NTM: variants seen among roughly 807,000 people sequenced by gnomAD.
The protein encoded by NTM is neurotrimin, also known as IgLON family member 2.
Under a neutral mutation model 42.1 loss-of-function variants are expected in NTM, and 13 were observed. That is an observed-to-expected ratio of 0.31 (90% CI 0.20 to 0.49). NTM has a LOEUF of 0.49. Ranked by LOEUF, NTM falls within the 20% of genes least tolerant of loss-of-function variation. The pLI is 0.99. For missense variants in NTM, 373 were observed against 452.8 expected (o/e 0.82, Z 1.60); for synonymous variants, 187 against 179.2 (o/e 1.04, Z -0.35).
intron 1 of NTM, among the ~76,000 whole-genome samples, chr11:131,461,508 GAA>G (rs1951376415): frequency 2.0e-5 from 3 of 152,184 alleles, no homozygotes; most frequent in Admixed American, 6.5e-5. Flanking sequence ...TGAACTCAGA[GAA>G]AAGAGATTAG....
chr11:131,798,117 C>T (rs1029961486), intron 1 of NTM, among the ~76,000 whole-genome samples: 9 of 152,040 alleles, frequency 5.9e-5, no homozygotes, highest in African/African-American at 2.2e-4. Context: ...TGATACAAGA[C>T]CTAAACAAGA....
chr11:131,560,106 G>A (rs375705619), intron 1 of NTM, among the ~76,000 whole-genome samples: 46 of 152,316 alleles, frequency 3.0e-4, no homozygotes, highest in Middle Eastern at 3.4e-3. Context: ...GCTGCCCCAC[G>A]TGTCTTCAGG....
chr11:132,071,496 G>A (rs1054111218), intron 2 of NTM, among the ~76,000 whole-genome samples: 2 of 152,244 alleles, frequency 1.3e-5, no homozygotes, highest in African/African-American at 4.8e-5. Context: ...TGTGATAGTA[G>A]AATGTTCCCT....
At chr11:131,454,381 T>C (rs554979955) in intron 1 of NTM, among the ~76,000 whole-genome samples, 2 of 152,326 alleles carry the variant, frequency 1.3e-5, no homozygotes, top group South Asian at 4.1e-4. Context: ...GGGGGACTAC[T>C]GTATTCCCTT....
intron 4 of NTM, among the ~76,000 whole-genome samples, chr11:132,294,127 C>T (rs747109416): frequency 2.5e-4 from 38 of 152,146 alleles, no homozygotes; most frequent in Non-Finnish European, 4.7e-4. Context: ...ACTATGACTT[C>T]GAGCTTTAAT....
chr11:132,155,848 G>T (rs2073071620), intron 3 of NTM, among the ~76,000 whole-genome samples: 1 of 152,204 alleles, frequency 6.6e-6, no homozygotes, highest in African/African-American at 2.4e-5. Context: ...AAAGATGGAT[G>T]AGATGGGTCC....
chr11:131,420,539 G>C (rs1225297215), intron 1 of NTM, among the ~76,000 whole-genome samples: 2 of 152,170 alleles, frequency 1.3e-5, no homozygotes, highest in Non-Finnish European at 2.9e-5. Flanking sequence ...AACATAGACA[G>C]CAATGCTGAG....
At chr11:131,459,934 T>C (rs1483072488) in intron 1 of NTM, among the ~76,000 whole-genome samples, 1 of 152,158 alleles carries the variant, frequency 6.6e-6, no homozygotes, top group Non-Finnish European at 1.5e-5. Context: ...CCAGGTTTTG[T>C]ATTTTTTTAA....
chr11:131,832,495 A>G (rs546600217), intron 1 of NTM, among the ~76,000 whole-genome samples: 2 of 152,348 alleles, frequency 1.3e-5, no homozygotes, highest in South Asian at 4.1e-4. Context: ...ATAAGCCTTA[A>G]TTTTAATCCC....
chr11:131,671,175 C>T (rs1488803768), intron 1 of NTM, among the ~76,000 whole-genome samples: 1 of 152,172 alleles, frequency 6.6e-6, no homozygotes, highest in Non-Finnish European at 1.5e-5. Context: ...GCTTTTGGCC[C>T]TTGCCTTTCT....
At chr11:131,976,718 A>G (rs2064440075) in intron 2 of NTM, among the ~76,000 whole-genome samples, 1 of 152,204 alleles carries the variant, frequency 6.6e-6, no homozygotes, top group Non-Finnish European at 1.5e-5. Flanking sequence ...GACAGACTCA[A>G]GAATACAAAG....
At chr11:132,129,216 C>T (rs966981097) in intron 2 of NTM, among the ~76,000 whole-genome samples, 1 of 152,132 alleles carries the variant, frequency 6.6e-6, no homozygotes, top group Non-Finnish European at 1.5e-5. Context: ...GTATCCAAAA[C>T]TGTTTGCATT....
intron 4 of NTM, among the ~76,000 whole-genome samples, chr11:132,264,221 A>G (rs1329994779): frequency 6.6e-6 from 1 of 152,156 alleles, no homozygotes; most frequent in Admixed American, 6.5e-5. Context: ...ACCTATTTCA[A>G]TTTTCATATT....
intron 1 of NTM, among the ~76,000 whole-genome samples, chr11:131,547,803 G>T (rs918416520): frequency 1.3e-5 from 2 of 152,166 alleles, no homozygotes; most frequent in Non-Finnish European, 2.9e-5. Flanking sequence ...CAACAGACTT[G>T]GATCCTGCAC....
At chr11:131,384,582 A>G (rs1943082838) in intron 1 of NTM, among the ~76,000 whole-genome samples, 1 of 151,170 alleles carries the variant, frequency 6.6e-6, no homozygotes, top group African/African-American at 2.4e-5. Flanking sequence ...AGAGAGAGTG[A>G]GTGAGATGGG....
chr11:131,601,552 A>G lies in NTM; in HGVS notation c.82+230664A>G, dbSNP rs1193347576. ...TTCTCTAGTTGAAGAGGGATTAGGGACTAAAATGCTCCCACCTCAAACCCC... is the reference window on the plus strand; with the variant it reads ...TTCTCTAGTTGAAGAGGGATTAGGGGCTAAAATGCTCCCACCTCAAACCCC... On this transcript the variant is annotated intron_variant, in intron 1 of 8. Transcript: ENST00000683400. 2.0e-5 allele frequency among the ~76,000 whole-genome samples: 3 copies of G among 151,862 alleles called. No individual in the cohort carries two copies. The East Asian group carries it at 5.8e-4, about 29-fold the overall frequency.
intron 1 of NTM, among the ~76,000 whole-genome samples, chr11:131,680,948 A>T (rs1482586788): frequency 5.5e-5 from 1 of 18,186 alleles, no homozygotes; most frequent in African/African-American, 1.8e-4. Context: ...TGTGTGTGTG[A>T]GCGTGTGTGT....
chr11:131,874,592 T>C (rs568516995), intron 1 of NTM, among the ~76,000 whole-genome samples: 4 of 152,340 alleles, frequency 2.6e-5, no homozygotes, highest in African/African-American at 9.6e-5. Context: ...ACTATTTTAC[T>C]ATTTCTTGTG....
At chr11:131,424,362 C>T (rs1460357772) in intron 1 of NTM, among the ~76,000 whole-genome samples, 1 of 152,016 alleles carries the variant, frequency 6.6e-6, no homozygotes, top group Admixed American at 6.6e-5. Context: ...TCTTCCTTGC[C>T]TCTTCTGTAC....
Sources: gnomAD v4.1 joint callset for allele counts (sites outside exome capture counted in the v4.1 genomes callset) on GRCh38, gnomAD v4.1.1 for gene constraint, MANE v1.5 for transcripts, NCBI Gene and HGNC (gene_info 2026-07-23, HGNC 2026-07-21) for gene names.